Variants in PITPNC1 observed in about 807,000 individuals in gnomAD.
PITPNC1 encodes the protein cytoplasmic phosphatidylinositol transfer protein 1.
In PITPNC1, 18 loss-of-function variants were observed where a neutral mutation model predicts 44.7. The ratio of observed to expected loss-of-function variants is 0.40; its 90% CI spans 0.28 to 0.60. The LOEUF (loss-of-function observed/expected upper bound fraction) is 0.60. Among genes scored for constraint, PITPNC1 ranks in the 20% least tolerant of loss-of-function variants. The probability of loss-of-function intolerance (pLI) is 0.39; values close to 1 mark genes in which losing one functional copy is unlikely to be tolerated. For missense variants in PITPNC1, 290 were observed against 418.4 expected (o/e 0.69, Z 2.68); for synonymous variants, 141 against 149.6 (o/e 0.94, Z 0.42).
intron 1 of PITPNC1, among the ~76,000 whole-genome samples, chr17:67,384,371 T>C (rs918503934): frequency 5.3e-5 from 8 of 151,878 alleles, no homozygotes; most frequent in Admixed American, 4.6e-4. Flanking sequence ...AGGGTGGTGC[T>C]GCCTCTGGAA....
chr17:67,389,723 A>C (rs763059669), intron 1 of PITPNC1, among the ~76,000 whole-genome samples: 15 of 152,108 alleles, frequency 9.9e-5, no homozygotes, highest in Non-Finnish European at 1.9e-4. Context: ...TCTGTTGCCC[A>C]GGCTAGAGTG....
At position 67,669,662 on chromosome 17, in the gene PITPNC1, A is replaced by C. The variant is rs1272633402; in HGVS notation, c.617A>C (p.Lys206Thr). ...ACCAGAGTGGAACAATTTGTACACA[A>C]GGTAAGTGGTCCAACAGCAGTTCCT... ...LQTRVEQFVH[K>T]VVRDILLIGH... Residue 206 changes from lysine (K) to threonine (T), a missense_variant and splice_region_variant, in exon 7 of 9, where the codon AAG becomes ACG. Coordinates refer to ENST00000581322, the MANE Select transcript of PITPNC1 (RefSeq NM_012417.4). 3 of 1,588,578 alleles carry C rather than the reference A, an allele frequency of 1.9e-6. No homozygotes were observed.
chr17:67,550,965 G>A (rs545598368), intron 2 of PITPNC1, among the ~76,000 whole-genome samples: 3 of 152,278 alleles, frequency 2.0e-5, no homozygotes, highest in Non-Finnish European at 2.9e-5. Flanking sequence ...GGAGGCTGAG[G>A]CAGGAGAATG....
chr17:67,411,097 A>T (rs1350455873), intron 1 of PITPNC1, among the ~76,000 whole-genome samples: 2 of 151,480 alleles, frequency 1.3e-5, no homozygotes, highest in African/African-American at 4.9e-5. Flanking sequence ...AAAAAAAAAA[A>T]ATAGAGCAGT....
chr17:67,423,147 G>A (rs936109516), intron 1 of PITPNC1, among the ~76,000 whole-genome samples: 10 of 152,260 alleles, frequency 6.6e-5, no homozygotes, highest in Admixed American at 2.6e-4. Flanking sequence ...GCACGTCTGC[G>A]TTATTAACTT....
chr17:67,402,055 G>A (rs989666844), intron 1 of PITPNC1, among the ~76,000 whole-genome samples: 1 of 152,010 alleles, frequency 6.6e-6, no homozygotes, highest in African/African-American at 2.4e-5. Flanking sequence ...TCTGCAAACC[G>A]CCAGATAGCA....
intron 5 of PITPNC1, among the ~76,000 whole-genome samples, chr17:67,596,190 G>C (rs944683387): frequency 6.6e-6 from 1 of 152,148 alleles, no homozygotes; most frequent in African/African-American, 2.4e-5. Context: ...CGGGAATGAA[G>C]GACACTGGAA....
intron 1 of PITPNC1, among the ~76,000 whole-genome samples, chr17:67,458,830 AT>A (rs1435065359): frequency 2.0e-5 from 3 of 152,114 alleles, no homozygotes; most frequent in Non-Finnish European, 4.4e-5. Flanking sequence ...GCTCAGAACA[AT>A]TTGCATTGCT....
intron 6 of PITPNC1, among the ~76,000 whole-genome samples, chr17:67,652,593 G>A (rs768705522): frequency 1.3e-5 from 2 of 152,234 alleles, no homozygotes; most frequent in Non-Finnish European, 2.9e-5. Context: ...CATTGTGGAT[G>A]AATTTATAAA....
chr17:67,414,224 AC>A (rs1356736487), intron 1 of PITPNC1, among the ~76,000 whole-genome samples: 1 of 152,190 alleles, frequency 6.6e-6, no homozygotes, highest in Non-Finnish European at 1.5e-5. Flanking sequence ...GAGTTACCAA[AC>A]AGTAAAGGCA....
chr17:67,489,239 C>G (rs2364970), intron 1 of PITPNC1, among the ~76,000 whole-genome samples: 1 of 152,094 alleles, frequency 6.6e-6, no homozygotes, highest in Admixed American at 6.5e-5. Context: ...CTCCTTTTGC[C>G]TCCAGGTACA....
At chr17:67,484,198 G>A (rs1405437860) in intron 1 of PITPNC1, among the ~76,000 whole-genome samples, 1 of 152,022 alleles carries the variant, frequency 6.6e-6, no homozygotes, top group African/African-American at 2.4e-5. Context: ...GATTACAGGG[G>A]CGAGCCTCCA....
At position 67,529,440 on chromosome 17, in the gene PITPNC1, G is replaced by C. The variant is rs528068320; in HGVS notation, c.49-3362G>C. On this transcript the variant is annotated intron_variant, in intron 1 of 8. Coordinates refer to ENST00000581322, the MANE Select transcript of PITPNC1 (RefSeq NM_012417.4). ...AGGTGTCTGCTTCTGAAGCAGGATC[G>C]GTGCTTTTGTTTAAATTGAGGTGAA... Among the ~76,000 whole-genome samples the C allele has an allele frequency of 2.1e-4, 32 of 152,286 alleles. No individual in the cohort carries two copies. The South Asian group carries it at 3.9e-3, about 19-fold the overall frequency.
chr17:67,525,678 C>T (rs2040383296), intron 1 of PITPNC1, among the ~76,000 whole-genome samples: 1 of 151,996 alleles, frequency 6.6e-6, no homozygotes, highest in Non-Finnish European at 1.5e-5. Flanking sequence ...GTGCTCTCTG[C>T]AGTGGATGGT....
chr17:67,504,218 C>A (rs1038993234), intron 1 of PITPNC1, among the ~76,000 whole-genome samples: 1 of 152,110 alleles, frequency 6.6e-6, no homozygotes, highest in African/African-American at 2.4e-5. Context: ...ATATCCTTCC[C>A]CAAAGGAGTA....
At chr17:67,463,195 T>C (rs2039369618) in intron 1 of PITPNC1, among the ~76,000 whole-genome samples, 2 of 149,384 alleles carry the variant, frequency 1.3e-5, no homozygotes, top group Non-Finnish European at 3.0e-5. Context: ...TTATAAATAC[T>C]TCTGCATAGC....
chr17:67,586,901 G>T (rs755375731), intron 5 of PITPNC1, among the ~76,000 whole-genome samples: 2 of 152,214 alleles, frequency 1.3e-5, no homozygotes, highest in African/African-American at 2.4e-5. Context: ...TCCAGACCAA[G>T]ATGGTGGTTT....
intron 1 of PITPNC1, among the ~76,000 whole-genome samples, chr17:67,451,536 G>T (rs1315775065): frequency 6.6e-6 from 1 of 151,960 alleles, no homozygotes; most frequent in Non-Finnish European, 1.5e-5. Flanking sequence ...CCTGATCCCC[G>T]GCAACTAGTG....
At chr17:67,469,656 G>C (rs138785759) in intron 1 of PITPNC1, among the ~76,000 whole-genome samples, 1 of 152,172 alleles carries the variant, frequency 6.6e-6, no homozygotes, top group East Asian at 1.9e-4. Context: ...CACCTCTCTG[G>C]GTCCCTCAGC....
Sources: allele counts gnomAD v4.1 joint callset (sites outside exome capture counted in the v4.1 genomes callset), GRCh38; gene constraint gnomAD v4.1.1; transcripts MANE v1.5; gene names NCBI Gene and HGNC (gene_info 2026-07-23, HGNC 2026-07-21).